The following PROS1 variants were observed in gnomAD, a reference collection of about 807,000 sequenced individuals.
PROS1 encodes vitamin K-dependent protein S.
A neutral mutation model predicts 75.9 loss-of-function variants in PROS1; 29 were observed. The observed-to-expected ratio is 0.38, with a 90% CI of 0.28 to 0.52. The LOEUF (loss-of-function observed/expected upper bound fraction) is 0.52, where lower values mean the gene tolerates loss of function less well. PROS1 is among the 20% of genes least tolerant of loss of function. The probability of loss-of-function intolerance (pLI) is 0.83; values close to 1 mark genes in which losing one functional copy is unlikely to be tolerated. For synonymous variants in PROS1, 245 were observed against 280.6 expected (o/e 0.87, Z 1.27); for missense variants, 680 against 810.3 (o/e 0.84, Z 1.95).
chr3:93,970,048 C>T (rs1709853343), intron 1 of PROS1, among the ~76,000 whole-genome samples: 1 of 152,136 alleles, frequency 6.6e-6, no homozygotes, highest in Non-Finnish European at 1.5e-5. Context: ...TGTAACCTAA[C>T]CTTGATAAAA....
intron 11 of PROS1, among the ~76,000 whole-genome samples, chr3:93,886,130 G>T: frequency 6.6e-6 from 1 of 152,014 alleles, no homozygotes; most frequent in East Asian, 1.9e-4. Flanking sequence ...GGATTTAAAT[G>T]GGCACAAAAC....
intron 10 of PROS1, among the ~76,000 whole-genome samples, chr3:93,890,931 C>A (rs192942526): frequency 9.2e-5 from 14 of 152,026 alleles, no homozygotes; most frequent in Non-Finnish European, 1.8e-4. Flanking sequence ...CATGGTGAAA[C>A]CTGTCTCTAC....
At chr3:93,969,122 C>CTT (rs773990991) in intron 1 of PROS1, among the ~76,000 whole-genome samples, 161 of 114,330 alleles carry the variant, frequency 1.4e-3, no homozygotes, top group East Asian at 5.7e-3. Context: ...CTTTTGTTTT[C>CTT]TTTTTTTTTT....
rs977858676 is a variant in PROS1 at position 93,928,738 on chromosome 3, C to T, written c.77-1331G>A. 31 of 1,294,734 alleles carry T rather than the reference C, an allele frequency of 2.4e-5. No individual in the cohort carries two copies. In the Admixed American group the frequency reaches 2.8e-4, roughly 12 times the overall value. The allele number at this position is 1,294,734 out of a possible 1,614,324, so 80.2% of individuals were successfully genotyped here. A position where few individuals can be genotyped will look rare whatever the true frequency, so the allele number is the denominator to read the frequency against. On this transcript the variant is annotated intron_variant, in intron 1 of 14. Coordinates refer to ENST00000394236, the MANE Select transcript of PROS1 (RefSeq NM_000313.4). ...TAGAAAAAATTGCATCCAGATAAGCCGACCAATACAGAAATGCATGCACGG... is the reference window on the plus strand; with the variant it reads ...TAGAAAAAATTGCATCCAGATAAGCTGACCAATACAGAAATGCATGCACGG...
intron 1 of PROS1, among the ~76,000 whole-genome samples, chr3:93,954,671 G>A (rs2107249781): frequency 6.6e-6 from 1 of 152,234 alleles, no homozygotes; most frequent in South Asian, 2.1e-4. Flanking sequence ...CATGGTCAAG[G>A]ACTTCATGAC....
intron 3 of PROS1, among the ~76,000 whole-genome samples, chr3:93,913,140 T>A (rs1708785403): frequency 6.6e-6 from 1 of 152,106 alleles, no homozygotes; most frequent in Admixed American, 6.5e-5. Flanking sequence ...AGTGAGTGAG[T>A]TCTCATGAGA....
rs546854910 is a variant in PROS1 at position 93,896,497 on chromosome 3, C to T, written c.965+79G>A. The T allele has an allele frequency of 1.1e-4, 113 of 1,059,984 alleles. 1 individual carries two copies. The South Asian group carries it at 1.4e-3, about 13-fold the overall frequency. 65.7% of individuals were successfully genotyped at this position (1,059,984 alleles called of 1,614,324 possible). ...CTGATAGGTAATACAATTTCACACA[C>T]TTCAAACCTTTTCGGCCACTTTTCT... On this transcript the variant is annotated intron_variant, in intron 9 of 14. Coordinates refer to ENST00000394236, the MANE Select transcript of PROS1 (RefSeq NM_000313.4).
intron 7 of PROS1, 42 bp downstream of exon 7, chr3:93,900,762 C>T: frequency 3.1e-6 from 5 of 1,610,940 alleles, no homozygotes; most frequent in Non-Finnish European, 4.2e-6. Flanking sequence ...GGGTTCACAC[C>T]CACCCTCTCC....
chr3:93,906,092 C>T lies in PROS1; in HGVS notation c.398G>A (p.Ser133Asn), dbSNP rs762130737. 8.7e-6 allele frequency: 14 copies of T among 1,613,988 alleles called. No individual in the cohort carries two copies. The highest frequency in any genetic ancestry group is 1.1e-5 in the Non-Finnish European group (13 of 1,180,004). ...PLPCNEDGYM[S>N]CKDGKASFTC... ...AAAAGAAGCTTTTCCATCTTTGCAG[C>T]TCATATATCCATCTTCATTGCATGG... is the stretch of plus-strand genomic sequence containing the variant. Residue 133 changes from serine to asparagine, a missense_variant, in exon 5 of 15, where the codon AGC (serine) becomes AAC (asparagine). By Grantham distance (46) the Ser-to-Asn change is conservative. Coordinates refer to ENST00000394236, the MANE Select transcript of PROS1 (RefSeq NM_000313.4).
At position 93,896,621 on chromosome 3, in the gene PROS1, G is replaced by T. The variant is rs774481269; in HGVS notation, c.920C>A (p.Ala307Glu). Residue 307 changes from alanine (A) to glutamate (E), a missense_variant, in exon 9 of 15, where the codon GCA becomes GAA. Ala to Glu is a moderately radical substitution (Grantham distance 107). Coordinates refer to ENST00000394236, the MANE Select transcript of PROS1 (RefSeq NM_000313.4). Reference protein sequence around the residue: ...YELLYLAEQFAGVVLYLKFRL... With the variant: ...YELLYLAEQFEGVVLYLKFRL... ...AAATTTTAAATATAAAACAACCCCT[G>T]CAAACTGCTCCGCCAAGTAAAGTAA... 16 of 1,613,608 alleles carry T rather than the reference G, an allele frequency of 9.9e-6. No homozygotes were observed. The highest frequency in any genetic ancestry group is 4.4e-5 in the South Asian group (4 of 91,068).
intron 2 of PROS1, among the ~76,000 whole-genome samples, chr3:93,924,967 C>G (rs1022673106): frequency 7.9e-5 from 12 of 152,162 alleles, no homozygotes; most frequent in Admixed American, 1.3e-4. Flanking sequence ...AGGTGCCCAG[C>G]TAACAGTGAC....
At chr3:93,881,022 C>T (rs553828866) in intron 12 of PROS1, among the ~76,000 whole-genome samples, 3 of 152,122 alleles carry the variant, frequency 2.0e-5, no homozygotes, top group African/African-American at 7.2e-5. Context: ...TAAAATTTGT[C>T]CTTAAAAATA....
intron 3 of PROS1, among the ~76,000 whole-genome samples, chr3:93,915,990 A>T (rs1301343626): frequency 1.3e-5 from 2 of 152,176 alleles, no homozygotes; most frequent in Admixed American, 6.5e-5. Context: ...ATAACAGAAT[A>T]CCACAGACTC....
intron 3 of PROS1, among the ~76,000 whole-genome samples, chr3:93,913,129 T>C (rs376867036): frequency 6.6e-6 from 1 of 152,202 alleles, no homozygotes. Context: ...GTTCTCATGA[T>C]AGTGAGTGAG....
At chr3:93,925,461 A>G (rs987479421) in intron 2 of PROS1, among the ~76,000 whole-genome samples, 23 of 151,882 alleles carry the variant, frequency 1.5e-4, no homozygotes, top group African/African-American at 5.3e-4. Flanking sequence ...GGTATTAGGG[A>G]TGTGGACAGG....
chr3:93,964,596 A>AC lies in PROS1; in HGVS notation c.76+9077dup, dbSNP rs1347915192. Among the ~76,000 whole-genome samples the AC allele has an allele frequency of 6.6e-5, 10 of 152,284 alleles. No homozygotes were observed. In the South Asian group the frequency reaches 1.5e-3, roughly 22 times the overall value. On this transcript the variant is annotated intron_variant, in intron 1 of 14. Coordinates refer to ENST00000394236, the MANE Select transcript of PROS1 (RefSeq NM_000313.4). The stretch of plus-strand genomic sequence containing the variant: ...AGATGTTTATCAAGACAATATGTGC[A>AC]CCACGGAACAAAGACCCTTATCAGT...
chr3:93,919,081 T>A (rs565171423), intron 3 of PROS1, among the ~76,000 whole-genome samples: 1 of 152,136 alleles, frequency 6.6e-6, no homozygotes, highest in Non-Finnish European at 1.5e-5. Context: ...TCTCTACCCA[T>A]GATAAGACAC....
At chr3:93,913,741 A>G (rs1039859084) in intron 3 of PROS1, among the ~76,000 whole-genome samples, 2 of 152,148 alleles carry the variant, frequency 1.3e-5, no homozygotes, top group Non-Finnish European at 2.9e-5. Context: ...ATAAGCCCCA[A>G]TGTATTAACT....
chr3:93,905,818 A>G lies in PROS1; in HGVS notation c.567T>C (p.Gly189=). ...PGSYHCSCKN[G]FVMLSNKKDC... is the part of the protein sequence containing the mutation. ...CTTTCTTATTTGAAAGCATAACAAA[A>G]CCATTTTTACAGGAACAGTGGTAAC... is the stretch of plus-strand genomic sequence containing the variant. Residue 189 remains glycine, a synonymous_variant, in exon 6 of 15, where the codon GGT becomes GGC. Transcript: ENST00000394236. 1 of 1,612,936 alleles carries G rather than the reference A, an allele frequency of 6.2e-7. No homozygotes were observed. Among genetic ancestry groups the G allele is most frequent in the Non-Finnish European group, 8.5e-7 (1 of 1,179,018 alleles).
Sources: allele counts gnomAD v4.1 joint callset (sites outside exome capture counted in the v4.1 genomes callset), GRCh38; gene constraint gnomAD v4.1.1; transcripts MANE v1.5; gene names NCBI Gene and HGNC (gene_info 2026-07-23, HGNC 2026-07-21).